The following CNTNAP2 variants were observed in gnomAD, a reference collection of about 807,000 sequenced individuals.
The protein encoded by CNTNAP2 is contactin-associated protein-like 2.
Under a neutral mutation model 155.2 loss-of-function variants are expected in CNTNAP2, and 98 were observed. That is an observed-to-expected ratio of 0.63 (90% CI 0.54 to 0.75). CNTNAP2 has a LOEUF of 0.75. Ranked by LOEUF, CNTNAP2 falls within the 30% of genes least tolerant of loss-of-function variation. CNTNAP2 has a pLI of 0.00. For synonymous variants in CNTNAP2, 651 were observed against 631.2 expected (o/e 1.03, Z -0.47); for missense variants, 1,727 against 1,688.1 (o/e 1.02, Z -0.40).
Position 148,172,494 on chromosome 7 carries a change from T to C in CNTNAP2, c.3010+16T>C. The C allele has an allele frequency of 1.2e-6, 2 of 1,606,722 alleles. No homozygotes were observed. The highest frequency in any genetic ancestry group is 1.7e-6 in the Non-Finnish European group (2 of 1,173,294). On this transcript the variant is annotated intron_variant, in intron 18 of 23. Coordinates refer to ENST00000361727, the MANE Select transcript of CNTNAP2 (RefSeq NM_014141.6). The stretch of plus-strand genomic sequence containing the variant: ...TGCAACAAAGGTAAGGTGGAACCCA[T>C]TTCCAGAGCCACTTTTGCGTGTCTT...
chr7:148,329,830 A>G (rs1797954453), intron 21 of CNTNAP2, among the ~76,000 whole-genome samples: 1 of 152,090 alleles, frequency 6.6e-6, no homozygotes, highest in African/African-American at 2.4e-5. Flanking sequence ...GTGAGGAGAT[A>G]TCTCTTCACC....
At chr7:147,114,730 G>T (rs1237400041) in intron 5 of CNTNAP2, among the ~76,000 whole-genome samples, 1 of 152,134 alleles carries the variant, frequency 6.6e-6, no homozygotes, top group Non-Finnish European at 1.5e-5. Context: ...GTCTCTTGAA[G>T]ACAGCATACC....
chr7:147,141,544 C>T (rs543445890), intron 8 of CNTNAP2, among the ~76,000 whole-genome samples: 4 of 152,090 alleles, frequency 2.6e-5, no homozygotes, highest in South Asian at 4.2e-4. Context: ...ATCTGCATTT[C>T]ATAGATTAAA....
At chr7:147,041,599 G>A (rs776248363) in intron 3 of CNTNAP2, among the ~76,000 whole-genome samples, 1 of 152,114 alleles carries the variant, frequency 6.6e-6, no homozygotes, top group Non-Finnish European at 1.5e-5. Flanking sequence ...AGCCTTCAGG[G>A]AACTCCAAAT....
chr7:148,211,369 T>C (rs2116746673), intron 18 of CNTNAP2, among the ~76,000 whole-genome samples: 1 of 152,164 alleles, frequency 6.6e-6, no homozygotes, highest in South Asian at 2.1e-4. Flanking sequence ...CAGCAGAAGG[T>C]AAAAAGAAAG....
intron 8 of CNTNAP2, among the ~76,000 whole-genome samples, chr7:147,211,015 AG>A (rs922279231): frequency 2.1e-4 from 30 of 143,404 alleles, no homozygotes; most frequent in African/African-American, 8.1e-4. Flanking sequence ...GTCTTGGAGT[AG>A]GTTTTTTTTT....
chr7:147,171,156 C>A (rs906008248), intron 8 of CNTNAP2, among the ~76,000 whole-genome samples: 2 of 152,266 alleles, frequency 1.3e-5, no homozygotes, highest in Non-Finnish European at 2.9e-5. Context: ...CGTGGGCTGT[C>A]CCCCAGGCTC....
intron 5 of CNTNAP2, among the ~76,000 whole-genome samples, chr7:147,120,758 A>G (rs1220861186): frequency 6.6e-6 from 1 of 151,926 alleles, no homozygotes; most frequent in South Asian, 2.1e-4. Flanking sequence ...CATTAGGTAT[A>G]TCTCCCAATG....
At chr7:147,501,687 A>C (rs370897438) in intron 11 of CNTNAP2, among the ~76,000 whole-genome samples, 28 of 152,322 alleles carry the variant, frequency 1.8e-4, no homozygotes, top group African/African-American at 6.7e-4. Context: ...GAGCACATTT[A>C]AGTTTGGCTA....
chr7:147,795,632 A>T (rs1288355971), intron 13 of CNTNAP2, among the ~76,000 whole-genome samples: 1 of 152,156 alleles, frequency 6.6e-6, no homozygotes, highest in Non-Finnish European at 1.5e-5. Flanking sequence ...CATAGTAGAT[A>T]TGTGTGAGGT....
At chr7:146,461,219 G>A (rs958352021) in intron 1 of CNTNAP2, among the ~76,000 whole-genome samples, 1 of 151,744 alleles carries the variant, frequency 6.6e-6, no homozygotes, top group African/African-American at 2.4e-5. Flanking sequence ...CTGGTAACAC[G>A]GTGAAACCCC....
rs371712227 is a variant in CNTNAP2 at position 147,607,410 on chromosome 7, T to TTC, written c.1898-31676_1898-31675dup. 1.4e-3 allele frequency among the ~76,000 whole-genome samples: 203 copies of TTC among 149,184 alleles called. 1 individual carries two copies. Among genetic ancestry groups the TTC allele is most frequent in the South Asian group, 0.012 (57 of 4,570 alleles). ...TCTCTTTCTCTCTGTCTCTCTTCCT[T>TTC]TCTCTCTCTCTCTCTCTCTCTTCTT... On this transcript the variant is annotated intron_variant, in intron 12 of 23. Transcript: ENST00000361727.
At chr7:147,316,079 T>C (rs560667697) in intron 9 of CNTNAP2, among the ~76,000 whole-genome samples, 1 of 152,206 alleles carries the variant, frequency 6.6e-6, no homozygotes, top group South Asian at 2.1e-4. Context: ...TTTACCTATT[T>C]TTGATTGCAC....
At chr7:147,904,746 A>G (rs1029959369) in intron 14 of CNTNAP2, among the ~76,000 whole-genome samples, 3 of 152,252 alleles carry the variant, frequency 2.0e-5, no homozygotes, top group Non-Finnish European at 4.4e-5. Flanking sequence ...AGTAAATATA[A>G]CAAATTACAA....
At chr7:146,696,193 A>G (rs190982995) in intron 1 of CNTNAP2, among the ~76,000 whole-genome samples, 23 of 152,250 alleles carry the variant, frequency 1.5e-4, no homozygotes, top group Admixed American at 1.2e-3. Flanking sequence ...AAAAGTAACT[A>G]ATTGTCAATT....
At chr7:147,145,387 T>C (rs1202787708) in intron 8 of CNTNAP2, among the ~76,000 whole-genome samples, 1 of 151,996 alleles carries the variant, frequency 6.6e-6, no homozygotes, top group Non-Finnish European at 1.5e-5. Context: ...AGGCCAAAAA[T>C]CCTACTGAAT....
chr7:148,191,255 G>GCT lies in CNTNAP2; in HGVS notation c.3010+18795_3010+18796dup, dbSNP rs140567836. On this transcript the variant is annotated intron_variant, in intron 18 of 23. Coordinates refer to ENST00000361727, the MANE Select transcript of CNTNAP2 (RefSeq NM_014141.6). ...GTCTGGTCCCCTTTTGTGCACTCTT[G>GCT]CTCTCTCTCTCTCTCTCTCCCTCTC... Among the ~76,000 whole-genome samples, 319 of 148,294 alleles carry GCT rather than the reference G, an allele frequency of 2.2e-3. 1 individual carries two copies. Among genetic ancestry groups the GCT allele is most frequent in the African/African-American group, 7.1e-3 (289 of 40,508 alleles).
rs556304152 is a variant in CNTNAP2, at chr7:146,139,379, C to T, written c.97+22406C>T. Among the ~76,000 whole-genome samples, 477 of 152,094 alleles carry T rather than the reference C, an allele frequency of 3.1e-3. 1 individual carries two copies. The highest frequency in any genetic ancestry group is 5.5e-3 in the Non-Finnish European group (375 of 67,988). ...TCAGGTCTGTGGAGCTGTTTTTTCC[C>T]ACCACAAAATGGCTTAAGAGTGCTG... is the stretch of plus-strand genomic sequence containing the variant. On this transcript the variant is annotated intron_variant, in intron 1 of 23. Coordinates refer to ENST00000361727, the MANE Select transcript of CNTNAP2 (RefSeq NM_014141.6).
chr7:147,340,345 C>T (rs1214396782), intron 9 of CNTNAP2, among the ~76,000 whole-genome samples: 3 of 152,134 alleles, frequency 2.0e-5, no homozygotes, highest in Non-Finnish European at 4.4e-5. Flanking sequence ...AAATGTCACA[C>T]TTTTAAATCA....
Sources: allele counts gnomAD v4.1 joint callset (sites outside exome capture counted in the v4.1 genomes callset), GRCh38; gene constraint gnomAD v4.1.1; transcripts MANE v1.5; gene names NCBI Gene and HGNC (gene_info 2026-07-23, HGNC 2026-07-21).